The following S100PBP variants were observed in gnomAD, a reference collection of about 807,000 sequenced individuals.
S100PBP encodes S100P-binding protein.
A neutral mutation model predicts 39.9 loss-of-function variants in S100PBP; 15 were observed. That is an observed-to-expected ratio of 0.38 (90% confidence interval 0.25 to 0.58). The LOEUF (loss-of-function observed/expected upper bound fraction) is 0.58. Among genes scored for constraint, S100PBP ranks in the 20% least tolerant of loss-of-function variants. The pLI, the probability that S100PBP is intolerant of heterozygous loss-of-function variation, is 0.70. For missense variants in S100PBP, 504 were observed against 487.3 expected (o/e 1.03, Z -0.32); for synonymous variants, 178 against 180.3 (o/e 0.99, Z 0.10).
intron 5 of S100PBP, among the ~76,000 whole-genome samples, chr1:32,842,236 T>TATATATATACACACACAC (rs372174677): frequency 4.9e-5 from 4 of 80,874 alleles, no homozygotes; most frequent in South Asian, 5.0e-4. Flanking sequence ...TATATATATA[T>TATATATATACACACACAC]ACACACACAC....
At chr1:32,844,678 T>C (rs1475887152) in intron 5 of S100PBP, among the ~76,000 whole-genome samples, 2 of 152,052 alleles carry the variant, frequency 1.3e-5, no homozygotes, top group Non-Finnish European at 2.9e-5. Context: ...AGCTTTGGCC[T>C]CCCAAAGTAA....
intron 5 of S100PBP, among the ~76,000 whole-genome samples, chr1:32,842,224 TATATATATATATAC>T: frequency 1.7e-5 from 1 of 58,270 alleles, no homozygotes; most frequent in Admixed American, 2.5e-4. Flanking sequence ...TATATATGTA[TATATATATATATAC>T]ACACACACAC....
chr1:32,846,537 T>C (rs1640386770), intron 5 of S100PBP, among the ~76,000 whole-genome samples: 1 of 152,060 alleles, frequency 6.6e-6, no homozygotes, highest in Non-Finnish European at 1.5e-5. Flanking sequence ...GTAGTATTTT[T>C]TAGTATTCCA....
intron 5 of S100PBP, among the ~76,000 whole-genome samples, chr1:32,839,483 C>A (rs891987013): frequency 6.6e-6 from 1 of 152,180 alleles, no homozygotes; most frequent in African/African-American, 2.4e-5. Context: ...GCAATTCTTA[C>A]ATACCAAGAA....
At chr1:32,848,272 A>T (rs1456265981) in intron 5 of S100PBP, among the ~76,000 whole-genome samples, 1 of 152,058 alleles carries the variant, frequency 6.6e-6, no homozygotes, top group African/African-American at 2.4e-5. Flanking sequence ...GAGTCACTGC[A>T]CTCCAGCCTG....
rs774873966 is a variant in S100PBP at position 32,826,233 on chromosome 1, A to G, written c.134A>G (p.Glu45Gly). The change falls in exon 3 of 7, where the codon GAA becomes GGA. Residue 45 changes from glutamate (E) to glycine (G), a missense_variant. Coordinates refer to ENST00000373475, the MANE Select transcript of S100PBP (RefSeq NM_022753.4). ...DDSLLELSEG[E>G]EDDGDVNYTE... ...TCCTTGCTGGAGCTGTCAGAGGGAG[A>G]AGAAGATGATGGTGATGTAAATTAC... 6.2e-7 allele frequency: 1 copy of G among 1,613,882 alleles called. No individual in the cohort carries two copies. The highest frequency in any genetic ancestry group is 1.1e-5 in the South Asian group (1 of 91,072).
At chr1:32,823,184 C>T (rs1639164450) in intron 1 of S100PBP, among the ~76,000 whole-genome samples, 1 of 152,190 alleles carries the variant, frequency 6.6e-6, no homozygotes, top group Non-Finnish European at 1.5e-5. Flanking sequence ...TGAACTAGAC[C>T]TTTTGTAAGG....
At chr1:32,825,077 T>C (rs1639265584) in intron 1 of S100PBP, 1 of 152,170 alleles carries the variant, frequency 6.6e-6, no homozygotes, top group African/African-American at 2.4e-5. Flanking sequence ...GATGATAGTC[T>C]TAAGAAAGTA....
intron 1 of S100PBP, chr1:32,818,170 G>C (rs1003562825): frequency 6.6e-6 from 1 of 152,376 alleles, no homozygotes; most frequent in Admixed American, 6.5e-5. Context: ...TGAGGGGCGG[G>C]TTTGCCCCTA....
At chr1:32,849,439 G>T (rs1052661578) in intron 5 of S100PBP, among the ~76,000 whole-genome samples, 2 of 152,172 alleles carry the variant, frequency 1.3e-5, no homozygotes, top group Admixed American at 1.3e-4. Context: ...CAGTTTACTT[G>T]TGAATAAAAT....
At chr1:32,824,310 C>T (rs868249131) in intron 1 of S100PBP, among the ~76,000 whole-genome samples, 10 of 151,814 alleles carry the variant, frequency 6.6e-5, no homozygotes, top group Admixed American at 2.6e-4. Flanking sequence ...GCTACAAGTA[C>T]TTTTCCAAAT....
intron 4 of S100PBP, 89 bp downstream of exon 4, chr1:32,828,170 A>G (rs540253369): frequency 1.2e-6 from 1 of 812,876 alleles, no homozygotes; most frequent in African/African-American, 1.8e-5. Flanking sequence ...TAGTGCAGGG[A>G]AAAAAATCCC....
intron 5 of S100PBP, among the ~76,000 whole-genome samples, chr1:32,843,365 T>G (rs1640208858): frequency 6.6e-6 from 1 of 152,146 alleles, no homozygotes; most frequent in East Asian, 1.9e-4. Context: ...CTCGCTCTGT[T>G]GCCCAGACTG....
intron 5 of S100PBP, among the ~76,000 whole-genome samples, chr1:32,838,395 C>G (rs1375759763): frequency 1.3e-5 from 2 of 150,952 alleles, no homozygotes; most frequent in Non-Finnish European, 3.0e-5. Flanking sequence ...AGTAGTTGTA[C>G]CGTTTTTCAT....
chr1:32,823,270 C>CTG (rs10691066), intron 1 of S100PBP, among the ~76,000 whole-genome samples: 150,395 of 152,324 alleles, frequency 0.99, 74,275 homozygotes, highest in East Asian at 1. Flanking sequence ...CTGTGATAAC[C>CTG]TGTCTGACAA....
intron 5 of S100PBP, chr1:32,836,540 A>AG: frequency 1.0e-6 from 1 of 981,816 alleles, no homozygotes; most frequent in African/African-American, 1.7e-5. Context: ...TGAAAAGCCA[A>AG]GTAGTATATT....
At chr1:32,828,541 A>C (rs1639442319) in intron 4 of S100PBP, among the ~76,000 whole-genome samples, 1 of 152,014 alleles carries the variant, frequency 6.6e-6, no homozygotes, top group South Asian at 2.1e-4. Context: ...TCATCTTTTC[A>C]ATTTATTCTC....
chr1:32,835,939 C>T (rs1430531216), intron 5 of S100PBP: 1 of 152,014 alleles, frequency 6.6e-6, no homozygotes, highest in Non-Finnish European at 1.5e-5. Flanking sequence ...ACAGATATCT[C>T]TTTAAGACCC....
intron 3 of S100PBP, 66 bp from the exon 4 acceptor site, chr1:32,827,927 T>G: frequency 9.4e-7 from 1 of 1,067,276 alleles, no homozygotes; most frequent in Non-Finnish European, 1.4e-6. Flanking sequence ...CCATAAATAG[T>G]GTTTTCAGTG....
Sources: allele counts gnomAD v4.1 joint callset (sites outside exome capture counted in the v4.1 genomes callset), GRCh38; gene constraint gnomAD v4.1.1; transcripts MANE v1.5; gene names NCBI Gene and HGNC (gene_info 2026-07-23, HGNC 2026-07-21).